The following PRKCG variants were observed in gnomAD, a reference collection of about 807,000 sequenced individuals.
The protein encoded by PRKCG is protein kinase C gamma type.
PRKCG carries 28 observed loss-of-function variants against 82.0 expected under a neutral mutation model. The ratio of observed to expected loss-of-function variants is 0.34; its 90% CI spans 0.25 to 0.47. The LOEUF (loss-of-function observed/expected upper bound fraction) is 0.47, where lower values mean the gene tolerates loss of function less well. Ranked by LOEUF, PRKCG falls within the 20% of genes least tolerant of loss-of-function variation. PRKCG has a pLI of 1.00. For missense variants in PRKCG, 640 were observed against 952.7 expected (o/e 0.67, Z 4.32); for synonymous variants, 383 against 376.6 (o/e 1.02, Z -0.20).
chr19:53,891,619 G>T (rs1224874121), intron 5 of PRKCG, 55 bp from the exon 6 acceptor site: 2 of 1,600,494 alleles, frequency 1.2e-6, no homozygotes, highest in African/African-American at 2.7e-5. Context: ...GAGGAGGGCT[G>T]GGAGCCCCTT....
intron 16 of PRKCG, 28 bp from the exon 17 acceptor site, chr19:53,906,289 T>C (rs1218185619): frequency 3.2e-6 from 5 of 1,551,158 alleles, no homozygotes; most frequent in South Asian, 1.2e-5. Flanking sequence ...TCTGTTTGTC[T>C]GTCTGTCTCT....
At chr19:53,895,432 G>A (rs1368070507) in intron 9 of PRKCG, among the ~76,000 whole-genome samples, 2 of 147,262 alleles carry the variant, frequency 1.4e-5, no homozygotes, top group African/African-American at 5.1e-5. Flanking sequence ...AGGCTGCAGT[G>A]AGCCCAGATC....
chr19:53,885,225 T>A (rs307954), intron 3 of PRKCG, among the ~76,000 whole-genome samples: 54,358 of 152,054 alleles, frequency 0.36, 10,950 homozygotes, highest in African/African-American at 0.56. Context: ...GCTTAAATTT[T>A]TTTTTTTTAT....
chr19:53,882,212 C>T lies in PRKCG; in HGVS notation c.-283C>T. ...CGGGGCTCCCACATTTCAGCAGGTG[C>T]CGGAGCTGGAGCTCCCACCGCCGCC... On this transcript the variant is annotated 5_prime_UTR_variant, in exon 1 of 18. Transcript: ENST00000263431. This position sits in a 1 kb window ranked among gnomAD's most constrained non-coding sequence, Gnocchi z 6.1. 2.1e-6 allele frequency: 1 copy of T among 476,314 alleles called. No homozygotes were observed. The highest frequency in any genetic ancestry group is 3.8e-6 in the Non-Finnish European group (1 of 260,390). 29.5% of individuals were successfully genotyped at this position (476,314 alleles called of 1,614,324 possible).
intron 11 of PRKCG, among the ~76,000 whole-genome samples, chr19:53,898,975 G>C (rs571251042): frequency 4.2e-5 from 6 of 141,974 alleles, no homozygotes; most frequent in East Asian, 4.4e-4. Flanking sequence ...GAAATCTTTG[G>C]GGGGGTGGTT....
At chr19:53,899,733 C>G (rs2068748700) in intron 11 of PRKCG, among the ~76,000 whole-genome samples, 2 of 152,068 alleles carry the variant, frequency 1.3e-5, no homozygotes, top group Non-Finnish European at 2.9e-5. Context: ...ATTACAGGCT[C>G]CCGCCACCAC....
chr19:53,889,975 C>G lies in PRKCG; in HGVS notation c.487C>G (p.Leu163Val), dbSNP rs1351526694. 1 of 1,574,076 alleles carries G rather than the reference C, an allele frequency of 6.4e-7. No homozygotes were observed. Among genetic ancestry groups the G allele is most frequent in the South Asian group, 1.2e-5 (1 of 85,952 alleles). Residue 163 changes from leucine (L) to valine (V), a missense_variant, in exon 5 of 18, where the codon CTG (leucine) becomes GTG (valine). Around this residue, in one of 7 missense-constraint regions of PRKCG, gnomAD observed 261 missense variants for 312.1 expected, o/e 0.84. Coordinates refer to ENST00000263431, the MANE Select transcript of PRKCG (RefSeq NM_002739.5). The surrounding 1 kb of genome is among the most constrained non-coding windows in gnomAD (Gnocchi z 4.4). ...DHTERRGRLQ[L>V]EIRAPTADEI... ...CACCGAGCGCCGCGGGCGCCTGCAG[C>G]TGGAGATCCGGGCTCCCACAGCAGA...
intron 9 of PRKCG, among the ~76,000 whole-genome samples, chr19:53,896,230 T>C (rs2068717026): frequency 6.6e-6 from 1 of 151,518 alleles, no homozygotes; most frequent in Non-Finnish European, 1.5e-5. Context: ...AGGCAGGGAG[T>C]GTAGGGTGGT....
chr19:53,898,362 G>A (rs2068732660), intron 10 of PRKCG, 78 bp from the exon 11 acceptor site: 4 of 1,560,982 alleles, frequency 2.6e-6, no homozygotes, highest in Non-Finnish European at 2.6e-6. Flanking sequence ...CCGTTTCCCT[G>A]CGTCCCTTAG....
intron 17 of PRKCG, 40 bp from the exon 18 acceptor site, chr19:53,906,667 T>G (rs760741057): frequency 4.4e-6 from 7 of 1,607,070 alleles, no homozygotes; most frequent in African/African-American, 2.7e-5. Flanking sequence ...CGAGGAGCCC[T>G]CGGAGCTGCT....
intron 8 of PRKCG, 60 bp from the exon 9 acceptor site, chr19:53,893,302 T>G (rs1343907155): frequency 1.3e-6 from 2 of 1,558,970 alleles, no homozygotes; most frequent in Non-Finnish European, 1.8e-6. Context: ...CACCAGCCCC[T>G]GTTCTAGGGC....
Position 53,892,845 on chromosome 19 carries a change from C to T in PRKCG, c.822-143C>T. 9.5e-7 allele frequency: 1 copy of T among 1,056,088 alleles called. No homozygotes were observed. Among genetic ancestry groups the T allele is most frequent in the South Asian group, 1.4e-5 (1 of 73,576 alleles). 65.4% of individuals were successfully genotyped at this position (1,056,088 alleles called of 1,614,324 possible). A position where few individuals can be genotyped will look rare whatever the true frequency, so the allele number is the denominator to read the frequency against. ...CTTCTTCTCCCCTCCCTTTCTCCCT[C>T]TCCCTCTCTTTTTATCTCACTCTTT... On this transcript the variant is annotated intron_variant, in intron 7 of 17. Transcript: ENST00000263431. The surrounding 1 kb of genome is among the most constrained non-coding windows in gnomAD (Gnocchi z 5.9).
At position 53,883,080 on chromosome 19, in the gene PRKCG, G is replaced by T; in HGVS notation, c.171-83G>T. The T allele has an allele frequency of 6.4e-7, 1 of 1,552,828 alleles. No individual in the cohort carries two copies. Among genetic ancestry groups the T allele is most frequent in the South Asian group, 1.1e-5 (1 of 89,834 alleles). ...TGGGCCCTGCGGGAGGAGGGTCAGA[G>T]AGCGCAGGCCCCCTGTGGCTCGCAG... On this transcript the variant is annotated intron_variant, in intron 1 of 17. Transcript: ENST00000263431. This position sits in a 1 kb window ranked among gnomAD's most constrained non-coding sequence, Gnocchi z 5.4.
At position 53,889,804 on chromosome 19, in the gene PRKCG, G is replaced by A. The variant is rs548781196; in HGVS notation, c.397+55G>A. The stretch of plus-strand genomic sequence containing the variant: ...TCCAAAGCGCCCGGTCTGGGTTCCG[G>A]GAAATGCCCGGGATGGGGTGGGGGG... On this transcript the variant is annotated intron_variant, in intron 4 of 17. Transcript: ENST00000263431. This position sits in a 1 kb window ranked among gnomAD's most constrained non-coding sequence, Gnocchi z 4.4. 5,277 of 1,589,418 alleles carry A rather than the reference G, an allele frequency of 3.3e-3. 20 individuals are homozygous for A. The highest frequency in any genetic ancestry group is 4.2e-3 in the Non-Finnish European group (4,925 of 1,167,840).
At chr19:53,890,515 C>T (rs2068666700) in intron 5 of PRKCG, among the ~76,000 whole-genome samples, 1 of 151,998 alleles carries the variant, frequency 6.6e-6, no homozygotes, top group Admixed American at 6.6e-5. Context: ...GACTCGGCCT[C>T]CCAAAGTGCT....
In PRKCG at chr19:53,882,522, G is replaced by C; in HGVS notation, c.28G>C (p.Asp10His). MAGLGPGVG[D>H]SEGGPRPLFC... is the part of the protein sequence containing the mutation. ...GGCTGGTCTGGGCCCCGGCGTAGGC[G>C]ATTCAGAGGGGGGACCCCGGCCCCT... is the stretch of plus-strand genomic sequence containing the variant. Residue 10 changes from aspartate to histidine, a missense_variant, in exon 1 of 18, where the codon GAT becomes CAT. Asp to His is a moderately conservative substitution (Grantham distance 81). Coordinates refer to ENST00000263431, the MANE Select transcript of PRKCG (RefSeq NM_002739.5). The surrounding 1 kb of genome is among the most constrained non-coding windows in gnomAD (Gnocchi z 6.1). 6.2e-7 allele frequency: 1 copy of C among 1,614,166 alleles called. No individual in the cohort carries two copies. The highest frequency in any genetic ancestry group is 8.5e-7 in the Non-Finnish European group (1 of 1,180,010).
intron 15 of PRKCG, among the ~76,000 whole-genome samples, 183 bp from the exon 16 acceptor site, chr19:53,904,452 C>T (rs184324306): frequency 6.8e-6 from 1 of 146,002 alleles, no homozygotes; most frequent in East Asian, 2.0e-4. Context: ...AATGAGAGAA[C>T]CTGAGAAGGA....
In PRKCG at chr19:53,889,868, C is replaced by A. The variant is rs776740041; in HGVS notation, c.398-18C>A. On this transcript the variant is annotated intron_variant, in intron 4 of 17. Coordinates refer to ENST00000263431, the MANE Select transcript of PRKCG (RefSeq NM_002739.5). The surrounding 1 kb of genome is among the most constrained non-coding windows in gnomAD (Gnocchi z 4.4). ...TGGGGGCGGGGCCTGAGGTGCTACC[C>A]GCAGCTTTCCCCTCCAGGCTGCGAG... 4 of 1,576,360 alleles carry A rather than the reference C, an allele frequency of 2.5e-6. No individual in the cohort carries two copies. The Admixed American group carries it at 5.5e-5, about 22-fold the overall frequency.
rs369421601 is a variant in PRKCG, at chr19:53,892,253, G to A, written c.687-256G>A. Among the ~76,000 whole-genome samples, 3 of 152,118 alleles carry A rather than the reference G, an allele frequency of 2.0e-5. No individual in the cohort carries two copies. Among genetic ancestry groups the A allele is most frequent in the East Asian group, 1.9e-4 (1 of 5,184 alleles). ...ACAGAGACTCAGAGAGAGAGATCTC[G>A]AGAGACAAGAGACAGAGATGGGAAG... On this transcript the variant is annotated intron_variant, in intron 6 of 17. Coordinates refer to ENST00000263431, the MANE Select transcript of PRKCG (RefSeq NM_002739.5). This position sits in a 1 kb window ranked among gnomAD's most constrained non-coding sequence, Gnocchi z 5.9.
Sources: gnomAD v4.1 joint callset for allele counts (sites outside exome capture counted in the v4.1 genomes callset) on GRCh38, gnomAD v4.1.1 for gene constraint, gnomAD v4.1.1 regional missense constraint, Gnocchi (gnomAD v3.1) non-coding constraint, MANE v1.5 for transcripts, NCBI Gene and HGNC (gene_info 2026-07-23, HGNC 2026-07-21) for gene names.